The following NOTCH2 variants were observed in gnomAD, a reference collection of about 807,000 sequenced individuals.
NOTCH2 encodes the protein neurogenic locus notch homolog protein 2.
NOTCH2 carries 29 observed loss-of-function variants against 235.8 expected under a neutral mutation model. The ratio of observed to expected loss-of-function variants is 0.12; its 90% CI spans 0.09 to 0.17. The LOEUF is 0.17. Among genes scored for constraint, NOTCH2 ranks in the 10% least tolerant of loss-of-function variants. The pLI is 1.00. For missense variants in NOTCH2, 2,285 were observed against 3,150.2 expected, an observed-to-expected ratio of 0.73 and a Z score of 6.57; for synonymous variants, 1,086 against 1,141.5, an observed-to-expected ratio of 0.95 and a Z score of 0.98.
chr1:119,959,557 C>T (rs1227779903), intron 11 of NOTCH2, 55 bp from the exon 12 acceptor site: 5 of 971,146 alleles, frequency 5.1e-6, no homozygotes, highest in East Asian at 4.8e-5. Flanking sequence ...AATACTAAGG[C>T]TTTCTGCTTG....
intron 30 of NOTCH2, among the ~76,000 whole-genome samples, 175 bp downstream of exon 30, chr1:119,920,054 C>CT (rs1306958603): frequency 6.6e-6 from 1 of 152,192 alleles, no homozygotes; most frequent in Non-Finnish European, 1.5e-5. Flanking sequence ...CCTTCCCTTT[C>CT]TGAGCTGATA....
chr1:119,919,675 G>T, intron 30 of NOTCH2, 62 bp from the exon 31 acceptor site: 1 of 1,496,626 alleles, frequency 6.7e-7, no homozygotes, highest in Non-Finnish European at 9.2e-7. Flanking sequence ...CCCTATGGTT[G>T]AAACAGCTCT....
At chr1:120,004,210 G>A (rs1239938755) in intron 3 of NOTCH2, among the ~76,000 whole-genome samples, 2 of 151,734 alleles carry the variant, frequency 1.3e-5, no homozygotes, top group Admixed American at 1.3e-4. Flanking sequence ...GGTAGCAGAG[G>A]AAATGGGAGG....
At chr1:119,940,428 T>G (rs1650024247) in intron 19 of NOTCH2, 127 bp downstream of exon 19, 1 of 810,682 alleles carries the variant, frequency 1.2e-6, no homozygotes. Flanking sequence ...TTACCTAGAT[T>G]ATCTCAGGGA....
At chr1:120,010,892 C>T (rs1553206856) in intron 2 of NOTCH2, among the ~76,000 whole-genome samples, 1 of 151,916 alleles carries the variant, frequency 6.6e-6, no homozygotes. Flanking sequence ...AGCTGATGAA[C>T]AGATAAATAA....
chr1:119,986,415 C>T (rs1164063047), intron 5 of NOTCH2, among the ~76,000 whole-genome samples: 3 of 151,984 alleles, frequency 2.0e-5, no homozygotes, highest in African/African-American at 4.8e-5. Flanking sequence ...TATTTTTGTT[C>T]GTGTACAAAA....
At chr1:119,954,114 C>T (rs1363670149) in intron 13 of NOTCH2, among the ~76,000 whole-genome samples, 1 of 152,152 alleles carries the variant, frequency 6.6e-6, no homozygotes, top group Non-Finnish European at 1.5e-5. Context: ...TAAGATGCTC[C>T]TGGGATATTT....
Position 119,955,106 on chromosome 1 carries a change from T to C in NOTCH2, c.2153A>G (p.Tyr718Cys). The C allele has an allele frequency of 6.2e-7, 1 of 1,614,068 alleles. No homozygotes were observed. ...GCTCAGGCATTCGTTCACCTGTGAG[T>C]AGCAGCTGGGGTGATGGGGTCCCTC... is the stretch of plus-strand genomic sequence containing the variant. ...CPEGPHHPSCYSQVNECLSNP... is the reference protein window; with the variant it reads ...CPEGPHHPSCCSQVNECLSNP... The change falls in exon 13 of 34, where the codon TAC (tyrosine) becomes TGC (cysteine). Residue 718 changes from tyrosine (Y) to cysteine (C), a missense_variant. This residue lies in a region of NOTCH2 where 1,173 missense variants were observed against 1,515.3 expected (regional missense o/e 0.77). Transcript: ENST00000256646.
chr1:119,948,584 A>G lies in NOTCH2; in HGVS notation c.2600-18T>C, dbSNP rs1553197348. On this transcript the variant is annotated intron_variant, in intron 16 of 33. Coordinates refer to ENST00000256646, the MANE Select transcript of NOTCH2 (RefSeq NM_024408.4). ...CCGCTGACCTAGGAACACAGGGCCA[A>G]TAAATGACCTAGTCCTTGGAAGCTG... is the stretch of plus-strand genomic sequence containing the variant. 2.5e-6 allele frequency: 4 copies of G among 1,614,150 alleles called. No homozygotes were observed. Among genetic ancestry groups the G allele is most frequent in the Non-Finnish European group, 3.4e-6 (4 of 1,180,000 alleles).
intron 2 of NOTCH2, among the ~76,000 whole-genome samples, chr1:120,017,319 T>G (rs327205): frequency 6.6e-6 from 1 of 150,574 alleles, no homozygotes; most frequent in African/African-American, 2.5e-5. Context: ...AGCCCTAAAA[T>G]TTCATTAAGT....
In NOTCH2 at chr1:119,914,879, G is replaced by A. The variant is rs982915608; in HGVS notation, c.*427C>T. On this transcript the variant is annotated 3_prime_UTR_variant, in exon 34 of 34. Coordinates refer to ENST00000256646, the MANE Select transcript of NOTCH2 (RefSeq NM_024408.4). ...AGAATGTCCAAGGAGGAGGAGATGC[G>A]TAGGTCAATTCAGGCAGAATTCCAG... 6 of 351,832 alleles carry A rather than the reference G, an allele frequency of 1.7e-5. No homozygotes were observed. The highest frequency in any genetic ancestry group is 8.1e-4 in the Middle Eastern group (1 of 1,234). The allele number at this position is 351,832 out of a possible 1,614,324, so 21.8% of individuals were successfully genotyped here. A position where few individuals can be genotyped will look rare whatever the true frequency, so the allele number is the denominator to read the frequency against.
At chr1:120,042,666 C>T (rs1327230488) in intron 1 of NOTCH2, among the ~76,000 whole-genome samples, 1 of 145,550 alleles carries the variant, frequency 6.9e-6, no homozygotes, top group Non-Finnish European at 1.5e-5. Flanking sequence ...CCCACTAAAG[C>T]ACACATTACC....
At chr1:119,964,828 A>C (rs1366252593) in intron 10 of NOTCH2, among the ~76,000 whole-genome samples, 1 of 152,218 alleles carries the variant, frequency 6.6e-6, no homozygotes, top group Non-Finnish European at 1.5e-5. Flanking sequence ...GTAATAGGGA[A>C]CATCTGGCTT....
chr1:119,955,213 G>A lies in NOTCH2; in HGVS notation c.2046C>T (p.Asp682=), dbSNP rs2101124789. Residue 682 remains aspartate, a synonymous_variant, in exon 13 of 34, where the codon GAC becomes GAT. Coordinates refer to ENST00000256646, the MANE Select transcript of NOTCH2 (RefSeq NM_024408.4). ...PGFTGQRCNI[D]IDECASNPCR... is the part of the protein sequence containing the mutation. The stretch of plus-strand genomic sequence containing the variant: ...AGGGATTGGAGGCACACTCATCAAT[G>A]TCAATGTTACATCTCTGCCCTGTGG... 1 of 1,614,084 alleles carries A rather than the reference G, an allele frequency of 6.2e-7. No homozygotes were observed. Among genetic ancestry groups the A allele is most frequent in the Non-Finnish European group, 8.5e-7 (1 of 1,179,962 alleles).
At chr1:120,017,832 T>G (rs1399034846) in intron 2 of NOTCH2, among the ~76,000 whole-genome samples, 1 of 151,066 alleles carries the variant, frequency 6.6e-6, no homozygotes, top group Non-Finnish European at 1.5e-5. Context: ...CCTCATTCCC[T>G]CTTGCACTTT....
intron 14 of NOTCH2, among the ~76,000 whole-genome samples, chr1:119,952,629 C>A (rs1006116750): frequency 1.3e-5 from 2 of 152,054 alleles, no homozygotes; most frequent in Non-Finnish European, 1.5e-5. Context: ...AGAGCTCAGG[C>A]GGTAATGTGA....
intron 17 of NOTCH2, among the ~76,000 whole-genome samples, chr1:119,947,299 A>G (rs1553197150): frequency 6.6e-6 from 1 of 152,212 alleles, no homozygotes; most frequent in African/African-American, 2.4e-5. Context: ...ATTTAAAAAT[A>G]CAAAGAACTC....
At chr1:119,983,097 AATATTATGTTAT>A (rs1329708521) in intron 5 of NOTCH2, among the ~76,000 whole-genome samples, 4 of 152,216 alleles carry the variant, frequency 2.6e-5, no homozygotes, top group Non-Finnish European at 5.9e-5. Flanking sequence ...AATTAATTTT[AATATTATGTTAT>A]ATTTAATTCA....
Position 119,975,577 on chromosome 1 carries a change from C to T in NOTCH2, c.875-5833G>A, listed in dbSNP as rs143208848. 6.3e-4 allele frequency among the ~76,000 whole-genome samples: 92 copies of T among 146,456 alleles called. No homozygotes were observed. The East Asian group carries it at 9.1e-3, about 15-fold the overall frequency. On this transcript the variant is annotated intron_variant, in intron 5 of 33. Transcript: ENST00000256646. ...AGGAGAATCGCTTGAATCCAGGAGG[C>T]GGAGGTGGCAGTGATCTGAGATCGT...
Sources: allele counts gnomAD v4.1 joint callset (sites outside exome capture counted in the v4.1 genomes callset), GRCh38; gene constraint gnomAD v4.1.1; regional missense constraint gnomAD v4.1.1; transcripts MANE v1.5; gene names NCBI Gene and HGNC (gene_info 2026-07-23, HGNC 2026-07-21).